SLC12A8: variants seen among roughly 807,000 people sequenced by gnomAD.
The protein encoded by SLC12A8 is cation-chloride cotransporter 9.
Under a neutral mutation model 75.6 loss-of-function variants are expected in SLC12A8, and 69 were observed. That is an observed-to-expected ratio of 0.91 (90% confidence interval 0.75 to 1.11). SLC12A8 has a LOEUF of 1.11. SLC12A8 is among the 50% of genes most tolerant of loss of function. The pLI, the probability that SLC12A8 is intolerant of heterozygous loss-of-function variation, is 0.00. For synonymous variants in SLC12A8, 365 were observed against 372.8 expected (o/e 0.98, Z 0.24); for missense variants, 877 against 896.7 (o/e 0.98, Z 0.28).
At chr3:125,144,674 T>A (rs1314215724) in intron 5 of SLC12A8, among the ~76,000 whole-genome samples, 1 of 152,178 alleles carries the variant, frequency 6.6e-6, no homozygotes, top group African/African-American at 2.4e-5. Context: ...CCACTTCCCA[T>A]GCTTCAACTC....
chr3:125,111,080 AGTTG>A (rs1939175104), intron 8 of SLC12A8, among the ~76,000 whole-genome samples: 1 of 152,198 alleles, frequency 6.6e-6, no homozygotes, highest in Non-Finnish European at 1.5e-5. Context: ...TGACTACAGT[AGTTG>A]CTTCTCAGTG....
chr3:125,190,391 C>T lies in SLC12A8; in HGVS notation c.182G>A (p.Arg61Lys), dbSNP rs763651721. ...AGCACTCACCACCAGCCAGCCAGTCCTCAGGAAGAGCACAACCCCAAAGAT... is the reference window on the plus strand; with the variant it reads ...AGCACTCACCACCAGCCAGCCAGTCTTCAGGAAGAGCACAACCCCAAAGAT... ...INIFGVVLFLRTGWLVGNTGV... is the reference protein window; with the variant it reads ...INIFGVVLFLKTGWLVGNTGV... The change falls in exon 3 of 14, where the codon AGG becomes AAG. Residue 61 changes from arginine to lysine, a missense_variant. Physicochemically the swap from Arg to Lys is conservative, Grantham distance 26. Transcript: ENST00000469902. The T allele has an allele frequency of 1.9e-6, 3 of 1,614,218 alleles. No individual in the cohort carries two copies. The highest frequency in any genetic ancestry group is 1.3e-5 in the African/African-American group (1 of 75,062).
intron 7 of SLC12A8, chr3:125,120,000 G>A: frequency 4.8e-6 from 2 of 420,600 alleles, no homozygotes; most frequent in Middle Eastern, 3.5e-4. Flanking sequence ...GAGGCCTGAC[G>A]GCCTGGGGGA....
chr3:125,120,897 G>A, intron 6 of SLC12A8: 1 of 698,494 alleles, frequency 1.4e-6, no homozygotes, highest in Non-Finnish European at 2.6e-6. Context: ...TTGTGGGTTG[G>A]AGGAGGCTCA....
chr3:125,185,341 A>G (rs1156470395), intron 4 of SLC12A8, among the ~76,000 whole-genome samples: 2 of 151,448 alleles, frequency 1.3e-5, no homozygotes, highest in African/African-American at 4.9e-5. Context: ...AACAAAAAAC[A>G]AAACAAAATT....
At chr3:125,140,287 A>G (rs1235248361) in intron 5 of SLC12A8, among the ~76,000 whole-genome samples, 1 of 152,174 alleles carries the variant, frequency 6.6e-6, no homozygotes, top group Non-Finnish European at 1.5e-5. Flanking sequence ...TTGTACGATG[A>G]CTAACTGAGG....
At chr3:125,184,202 C>T (rs2107792332) in intron 4 of SLC12A8, among the ~76,000 whole-genome samples, 1 of 152,186 alleles carries the variant, frequency 6.6e-6, no homozygotes, top group South Asian at 2.1e-4. Flanking sequence ...AACTCCTGAC[C>T]TCAGGTGATC....
chr3:125,121,069 G>C (rs1049889851), intron 6 of SLC12A8: 2 of 552,888 alleles, frequency 3.6e-6, no homozygotes, highest in Middle Eastern at 4.6e-4. Flanking sequence ...GCAGCCTCCT[G>C]CTCAGCAGCT....
chr3:125,177,865 G>T lies in SLC12A8; in HGVS notation c.500C>A (p.Ala167Asp). 1 of 1,614,130 alleles carries T rather than the reference G, an allele frequency of 6.2e-7. No homozygotes were observed. The highest frequency in any genetic ancestry group is 1.1e-5 in the South Asian group (1 of 91,074). Residue 167 changes from alanine to aspartate, a missense_variant, in exon 5 of 14, where the codon GCC becomes GAC. Physicochemically the swap from Ala to Asp is moderately radical, Grantham distance 126. Transcript: ENST00000469902. ...VRGISVAVLLALLGINLAGVK... is the reference protein window; with the variant it reads ...VRGISVAVLLDLLGINLAGVK... ...ACCTGCGAGGTTAATGCCCAGCAAG[G>T]CCAGAAGCACCGCAACTGAAATTCC...
At chr3:125,104,364 C>T (rs1251664985) in intron 10 of SLC12A8, among the ~76,000 whole-genome samples, 2 of 152,112 alleles carry the variant, frequency 1.3e-5, no homozygotes, top group African/African-American at 2.4e-5. Context: ...CTGCCCCAGC[C>T]TCCCAAAGTG....
chr3:125,169,204 G>A (rs1163665946), intron 5 of SLC12A8, among the ~76,000 whole-genome samples: 2 of 152,214 alleles, frequency 1.3e-5, no homozygotes, highest in African/African-American at 4.8e-5. Flanking sequence ...GAAAATATGA[G>A]CCAACAGAAT....
At chr3:125,167,152 C>CT (rs770965201) in intron 5 of SLC12A8, among the ~76,000 whole-genome samples, 197 of 145,226 alleles carry the variant, frequency 1.4e-3, no homozygotes, top group Middle Eastern at 3.5e-3. Flanking sequence ...ATTTTTAAAA[C>CT]TTTTTTTTTT....
chr3:125,203,650 G>C (rs1935172655), intron 2 of SLC12A8, among the ~76,000 whole-genome samples: 1 of 152,138 alleles, frequency 6.6e-6, no homozygotes, highest in Non-Finnish European at 1.5e-5. Context: ...AGAAAACATA[G>C]GGGGCATGCT....
intron 8 of SLC12A8, among the ~76,000 whole-genome samples, chr3:125,115,886 C>A (rs1407912684): frequency 6.6e-6 from 1 of 152,170 alleles, no homozygotes; most frequent in Non-Finnish European, 1.5e-5. Context: ...CGGCTCAGAA[C>A]TGAAGCCACA....
At chr3:125,151,208 G>A (rs538691864) in intron 5 of SLC12A8, 3 of 152,252 alleles carry the variant, frequency 2.0e-5, no homozygotes, top group South Asian at 2.1e-4. Flanking sequence ...TCATTGAGGA[G>A]GCTAATTGGA....
intron 5 of SLC12A8, among the ~76,000 whole-genome samples, chr3:125,153,624 T>TTATA (rs1553791559): frequency 9.8e-6 from 1 of 101,780 alleles, no homozygotes; most frequent in Non-Finnish European, 2.2e-5. Flanking sequence ...ATAATGAAAT[T>TTATA]TATGTATTTA....
chr3:125,131,170 G>A (rs746711506), intron 6 of SLC12A8, among the ~76,000 whole-genome samples: 1 of 152,112 alleles, frequency 6.6e-6, no homozygotes, highest in African/African-American at 2.4e-5. Context: ...ATATTCTCTT[G>A]TCTTGTGGGA....
At chr3:125,158,377 C>T (rs551947389) in intron 5 of SLC12A8, among the ~76,000 whole-genome samples, 8 of 152,192 alleles carry the variant, frequency 5.3e-5, no homozygotes, top group African/African-American at 1.4e-4. Context: ...TGTGCCACCA[C>T]GCCCAGCTAA....
intron 13 of SLC12A8, among the ~76,000 whole-genome samples, chr3:125,084,973 C>T (rs1026852238): frequency 2.6e-5 from 4 of 152,110 alleles, no homozygotes; most frequent in African/African-American, 9.7e-5. Context: ...TTGAGAGTTG[C>T]GAAAAGGTAG....
Sources: gnomAD v4.1 joint callset for allele counts (sites outside exome capture counted in the v4.1 genomes callset) on GRCh38, gnomAD v4.1.1 for gene constraint, MANE v1.5 for transcripts, NCBI Gene and HGNC (gene_info 2026-07-23, HGNC 2026-07-21) for gene names.